Variants in PRKG1 observed in about 807,000 individuals in gnomAD.
PRKG1 encodes the protein protein kinase cGMP-dependent 1.
In PRKG1, 35 loss-of-function variants were observed where a neutral mutation model predicts 88.1. The observed-to-expected ratio is 0.40, with a 90% confidence interval of 0.30 to 0.53. PRKG1 has a LOEUF of 0.53. Among genes scored for constraint, PRKG1 ranks in the 20% least tolerant of loss-of-function variants. The probability of loss-of-function intolerance (pLI) is 0.59; values close to 1 mark genes in which losing one functional copy is unlikely to be tolerated. For missense variants in PRKG1, 540 were observed against 839.8 expected (o/e 0.64, Z 4.41); for synonymous variants, 303 against 292.5 (o/e 1.04, Z -0.37).
At chr10:52,050,235 C>CA (rs1437642584) in intron 5 of PRKG1, among the ~76,000 whole-genome samples, 1 of 151,776 alleles carries the variant, frequency 6.6e-6, no homozygotes, top group Non-Finnish European at 1.5e-5. Flanking sequence ...GGCTGGAGGG[C>CA]AAAATCGGGA....
rs188046604 is a variant in PRKG1, at chr10:51,161,390, T to C, written c.478+8060T>C. On this transcript the variant is annotated intron_variant, in intron 2 of 17. Coordinates refer to ENST00000373980, the MANE Select transcript of PRKG1 (RefSeq NM_006258.4). Reference sequence around the variant, plus strand: ...TGAAGGGTAATGTTCTTAATACTCATCTGGTTAATACGTCCTTGTGAAATG... The same window carrying C: ...TGAAGGGTAATGTTCTTAATACTCACCTGGTTAATACGTCCTTGTGAAATG... Among the ~76,000 whole-genome samples the C allele has an allele frequency of 3.3e-3, 509 of 152,344 alleles. 2 individuals carry two copies. The highest frequency in any genetic ancestry group is 5.5e-3 in the Non-Finnish European group (375 of 68,026).
intron 2 of PRKG1, among the ~76,000 whole-genome samples, chr10:51,388,855 T>A (rs1837322780): frequency 6.6e-6 from 1 of 152,184 alleles, no homozygotes; most frequent in Admixed American, 6.5e-5. Context: ...AGCGTTCTAG[T>A]TTTTTGGTTG....
intron 4 of PRKG1, among the ~76,000 whole-genome samples, chr10:51,887,131 A>G (rs1841590486): frequency 6.6e-6 from 1 of 152,096 alleles, no homozygotes; most frequent in Non-Finnish European, 1.5e-5. Context: ...CGCTACAGGC[A>G]TGCACACCAT....
At chr10:52,120,875 G>A (rs1224412350) in intron 7 of PRKG1, among the ~76,000 whole-genome samples, 1 of 152,158 alleles carries the variant, frequency 6.6e-6, no homozygotes, top group Non-Finnish European at 1.5e-5. Context: ...CCTAGCAGTG[G>A]CTCTCTGTGG....
intron 2 of PRKG1, among the ~76,000 whole-genome samples, chr10:51,401,005 G>T (rs1046998409): frequency 2.6e-5 from 4 of 152,130 alleles, no homozygotes; most frequent in African/African-American, 9.7e-5. Context: ...AAGTAAGCAG[G>T]TTTAAATAAC....
intron 3 of PRKG1, among the ~76,000 whole-genome samples, chr10:51,802,516 A>G (rs1391715565): frequency 6.6e-6 from 1 of 152,178 alleles, no homozygotes; most frequent in Non-Finnish European, 1.5e-5. Context: ...ATCAGATGCT[A>G]CACAGGCTTA....
In PRKG1 at chr10:51,018,447, G is replaced by A. The variant is rs563140442; in HGVS notation, c.266+26803G>A. ...AAATGGTTTCTGTGGCCTTGGAGAG[G>A]TTAAATAATTTAGTGGAGTCAGGAT... On this transcript the variant is annotated intron_variant, in intron 1 of 17. Coordinates refer to the PRKG1 transcript ENST00000401604. Among the ~76,000 whole-genome samples the A allele has an allele frequency of 1.1e-3, 167 of 152,252 alleles. 1 individual carries two copies. In the Middle Eastern group the frequency reaches 0.014, roughly 12 times the overall value.
chr10:52,055,558 A>G (rs1386123716), intron 6 of PRKG1, among the ~76,000 whole-genome samples: 1 of 152,172 alleles, frequency 6.6e-6, no homozygotes, highest in South Asian at 2.1e-4. Flanking sequence ...ATGCTATACT[A>G]TTGTATTACT....
rs897013510 is a variant in PRKG1 at position 52,284,963 on chromosome 10, T to A, written c.1709+2647T>A. On this transcript the variant is annotated intron_variant, in intron 14 of 17. Coordinates refer to ENST00000373980, the MANE Select transcript of PRKG1 (RefSeq NM_006258.4). ...TTGAGGGCAAAGGAAATAAATGATC[T>A]GGTTATAAGGCAACAAACAGTAGTG... is the stretch of plus-strand genomic sequence containing the variant. Among the ~76,000 whole-genome samples, 23 of 152,206 alleles carry A rather than the reference T, an allele frequency of 1.5e-4. 1 individual carries two copies. The highest frequency in any genetic ancestry group is 5.5e-4 in the African/African-American group (23 of 41,556).
At chr10:52,209,791 C>G (rs1839916585) in intron 9 of PRKG1, among the ~76,000 whole-genome samples, 1 of 152,132 alleles carries the variant, frequency 6.6e-6, no homozygotes. Context: ...CCTGTTCCTT[C>G]TAGGAGTCCC....
At chr10:51,993,902 T>G (rs1471538827) in intron 5 of PRKG1, among the ~76,000 whole-genome samples, 1 of 152,178 alleles carries the variant, frequency 6.6e-6, no homozygotes, top group African/African-American at 2.4e-5. Flanking sequence ...AAGCCTTTCC[T>G]AGGGCTTTCT....
chr10:51,125,534 T>C (rs1845373695), intron 1 of PRKG1, among the ~76,000 whole-genome samples: 1 of 149,570 alleles, frequency 6.7e-6, no homozygotes, highest in African/African-American at 2.4e-5. Context: ...ATACAAAAAT[T>C]AGCTGGGCAT....
At chr10:51,565,351 G>A (rs1332953084) in intron 3 of PRKG1, among the ~76,000 whole-genome samples, 1 of 151,998 alleles carries the variant, frequency 6.6e-6, no homozygotes, top group East Asian at 1.9e-4. Flanking sequence ...TTCCAAGAGG[G>A]TATGGTGACA....
At chr10:52,013,226 G>A (rs1844942952) in intron 5 of PRKG1, among the ~76,000 whole-genome samples, 1 of 152,130 alleles carries the variant, frequency 6.6e-6, no homozygotes, top group South Asian at 2.1e-4. Context: ...TGTCCATCCT[G>A]GCTAACACGG....
At chr10:51,814,535 A>C (rs930745963) in intron 4 of PRKG1, among the ~76,000 whole-genome samples, 1 of 152,136 alleles carries the variant, frequency 6.6e-6, no homozygotes, top group Non-Finnish European at 1.5e-5. Context: ...TGAAACCTGC[A>C]TTAGAATTAA....
intron 9 of PRKG1, among the ~76,000 whole-genome samples, chr10:52,178,907 G>A (rs960656738): frequency 6.7e-6 from 1 of 150,320 alleles, no homozygotes; most frequent in Non-Finnish European, 1.5e-5. Flanking sequence ...TGAGTATCTT[G>A]TAGCCAGCAT....
intron 2 of PRKG1, among the ~76,000 whole-genome samples, chr10:51,339,156 A>G (rs1841947318): frequency 6.6e-6 from 1 of 152,160 alleles, no homozygotes; most frequent in Non-Finnish European, 1.5e-5. Flanking sequence ...AAACATAAGA[A>G]ATATAATTTC....
chr10:51,585,885 G>T (rs976146675), intron 3 of PRKG1, among the ~76,000 whole-genome samples: 5 of 152,180 alleles, frequency 3.3e-5, no homozygotes, highest in Middle Eastern at 3.4e-3. Context: ...ACCAAATACC[G>T]CATGTTTTCA....
chr10:51,839,069 A>C (rs1822887937), intron 4 of PRKG1, among the ~76,000 whole-genome samples: 1 of 152,186 alleles, frequency 6.6e-6, no homozygotes, highest in Admixed American at 6.6e-5. Context: ...TCTGCAGCAG[A>C]AATGTGTCAG....
Sources: allele counts gnomAD v4.1 joint callset (sites outside exome capture counted in the v4.1 genomes callset), GRCh38; gene constraint gnomAD v4.1.1; transcripts MANE v1.5; gene names NCBI Gene and HGNC (gene_info 2026-07-23, HGNC 2026-07-21).